SLC22A11: variants seen among roughly 807,000 people sequenced by gnomAD.
SLC22A11 encodes the protein organic anion transporter 4.
In SLC22A11, 42 loss-of-function variants were observed where a neutral mutation model predicts 49.4. The observed-to-expected ratio is 0.85, with a 90% CI of 0.66 to 1.10. SLC22A11 has a LOEUF of 1.10. SLC22A11 is among the 50% of genes least tolerant of loss of function. The pLI is 0.00. For missense variants in SLC22A11, 685 were observed against 731.6 expected (o/e 0.94, Z 0.74); for synonymous variants, 304 against 315.8 (o/e 0.96, Z 0.40).
Position 64,569,816 on chromosome 11 carries a change from A to G in SLC22A11, c.1547A>G (p.Gln516Arg). The G allele has an allele frequency of 6.2e-7, 1 of 1,613,914 alleles. No individual in the cohort carries two copies. Among genetic ancestry groups the G allele is most frequent in the South Asian group, 1.1e-5 (1 of 91,082 alleles). Reference sequence around the variant, plus strand: ...GTGCTGTTCTTCCTCCCGGAGACCCAGGGACTTCCGCTCCCTGACACTATC... The same window carrying G: ...GTGCTGTTCTTCCTCCCGGAGACCCGGGGACTTCCGCTCCCTGACACTATC... ...LVVLFFLPET[Q>R]GLPLPDTIQD... Residue 516 changes from glutamine (Q) to arginine (R), a missense_variant, in exon 9 of 10, where the codon CAG (glutamine) becomes CGG (arginine). Physicochemically the swap from Gln to Arg is conservative, Grantham distance 43. Coordinates refer to ENST00000301891, the MANE Select transcript of SLC22A11 (RefSeq NM_018484.4).
At position 64,556,253 on chromosome 11, in the gene SLC22A11, G is replaced by A; in HGVS notation, c.254G>A (p.Cys85Tyr). 1 of 1,613,838 alleles carries A rather than the reference G, an allele frequency of 6.2e-7. No individual in the cohort carries two copies. The highest frequency in any genetic ancestry group is 8.5e-7 in the Non-Finnish European group (1 of 1,180,028). ...PPGPNQGPHQ[C>Y]RRFRQPQWQL... ...GGCCCCAACCAGGGGCCCCACCAGTGCCGCCGCTTCCGCCAGCCACAGTGG... is the reference window on the plus strand; with the variant it reads ...GGCCCCAACCAGGGGCCCCACCAGTACCGCCGCTTCCGCCAGCCACAGTGG... The change falls in exon 1 of 10, where the codon TGC (cysteine) becomes TAC (tyrosine). Residue 85 changes from cysteine to tyrosine, a missense_variant. Physicochemically the swap from Cys to Tyr is radical, Grantham distance 194. Coordinates refer to ENST00000301891, the MANE Select transcript of SLC22A11 (RefSeq NM_018484.4).
In SLC22A11 at chr11:64,564,265, G is replaced by A. The variant is rs1458971725; in HGVS notation, c.822-43G>A. ...CCCCTTTCCACCCCGCCCCGGGGGAGAGCCCAGCGTGCACTCCCAGCTACA... is the reference window on the plus strand; with the variant it reads ...CCCCTTTCCACCCCGCCCCGGGGGAAAGCCCAGCGTGCACTCCCAGCTACA... On this transcript the variant is annotated intron_variant, in intron 4 of 9. Transcript: ENST00000301891. This position sits in a 1 kb window ranked among gnomAD's most constrained non-coding sequence, Gnocchi z 4.2. 6.2e-7 allele frequency: 1 copy of A among 1,610,846 alleles called. No individual in the cohort carries two copies. Among genetic ancestry groups the A allele is most frequent in the African/African-American group, 1.3e-5 (1 of 74,870 alleles).
Position 64,565,808 on chromosome 11 carries a change from T to G in SLC22A11, c.1058+471T>G. 1 of 334,392 alleles carries G rather than the reference T, an allele frequency of 3.0e-6. No homozygotes were observed. Among genetic ancestry groups the G allele is most frequent in the Non-Finnish European group, 6.0e-6 (1 of 167,286 alleles). The allele number at this position is 334,392 out of a possible 1,614,324, so 20.7% of individuals were successfully genotyped here. A position where few individuals can be genotyped will look rare whatever the true frequency, so the allele number is the denominator to read the frequency against. ...ATGGGGAAAGAGGATCCCAGAGGGG[T>G]AAGGAACAAGCCCAAAATAATAGAG... On this transcript the variant is annotated intron_variant, in intron 6 of 9. Coordinates refer to ENST00000301891, the MANE Select transcript of SLC22A11 (RefSeq NM_018484.4). This position sits in a 1 kb window ranked among gnomAD's most constrained non-coding sequence, Gnocchi z 4.1.
Position 64,559,215 on chromosome 11 carries a change from T to A in SLC22A11, c.474T>A (p.Phe158Leu), listed in dbSNP as rs2038507577. ...TGTCCGGGATCCTGGTGGGCTCCTT[T>A]ATCTGGGGCCTCCTCTCCTACCGGT... ...IFMSGILVGS[F>L]IWGLLSYRFG... Residue 158 changes from phenylalanine (F) to leucine (L), a missense_variant, in exon 2 of 10, where the codon TTT becomes TTA. By Grantham distance (22) the Phe-to-Leu change is conservative. Transcript: ENST00000301891. 3.1e-6 allele frequency: 5 copies of A among 1,609,410 alleles called. No homozygotes were observed. Among genetic ancestry groups the A allele is most frequent in the Non-Finnish European group, 4.2e-6 (5 of 1,177,054 alleles).
chr11:64,562,167 C>T lies in SLC22A11; in HGVS notation c.652+9C>T, dbSNP rs1025828777. 4 of 1,612,568 alleles carry T rather than the reference C, an allele frequency of 2.5e-6. No homozygotes were observed. The highest frequency in any genetic ancestry group is 3.4e-6 in the Non-Finnish European group (4 of 1,179,408). On this transcript the variant is annotated intron_variant, in intron 3 of 9. Transcript: ENST00000301891. The surrounding 1 kb of genome is among the most constrained non-coding windows in gnomAD (Gnocchi z 4.4). ...GAGTTCACTGACACTGAGTGAGTCC[C>T]CGGCTCAGCGCGCTCCTGCCATGGG...
At chr11:64,569,967 T>C in intron 9 of SLC22A11, 109 bp downstream of exon 9, 3 of 931,322 alleles carry the variant, frequency 3.2e-6, no homozygotes, top group Non-Finnish European at 4.9e-6. Flanking sequence ...AGGCCTGTGT[T>C]TCTGAAACCA....
intron 1 of SLC22A11, 144 bp from the exon 2 acceptor site, chr11:64,558,991 C>T: frequency 1.5e-6 from 1 of 688,164 alleles, no homozygotes; most frequent in Non-Finnish European, 2.6e-6. Context: ...GGAGTTGCAG[C>T]CCCATGGCCA....
chr11:64,562,114 C>T lies in SLC22A11; in HGVS notation c.608C>T (p.Ala203Val). 2 of 1,613,890 alleles carry T rather than the reference C, an allele frequency of 1.2e-6. No individual in the cohort carries two copies. The highest frequency in any genetic ancestry group is 2.2e-5 in the East Asian group (1 of 44,872). Residue 203 changes from alanine to valine, a missense_variant, in exon 3 of 10, where the codon GCC becomes GTC. Coordinates refer to ENST00000301891, the MANE Select transcript of SLC22A11 (RefSeq NM_018484.4). This position sits in a 1 kb window ranked among gnomAD's most constrained non-coding sequence, Gnocchi z 4.4. ...ATCTACTGCGGCCTGCGGTTCGTGG[C>T]CGCTTTTGGGATGGCCGGCATCTTT... is the stretch of plus-strand genomic sequence containing the variant. Reference protein sequence around the residue: ...FVIYCGLRFVAAFGMAGIFLS... With the variant: ...FVIYCGLRFVVAFGMAGIFLS...
chr11:64,566,702 G>A (rs1305211551), intron 6 of SLC22A11: 1 of 152,004 alleles, frequency 6.6e-6, no homozygotes, highest in Non-Finnish European at 1.5e-5. Context: ...GAAACACCGC[G>A]GCTTGTGCGA....
rs1378096665 is a variant in SLC22A11, at chr11:64,556,050, G to C, written c.51G>C (p.Gln17His). The C allele has an allele frequency of 6.2e-7, 1 of 1,613,668 alleles. No homozygotes were observed. Among genetic ancestry groups the C allele is most frequent in the East Asian group, 2.2e-5 (1 of 44,880 alleles). Residue 17 changes from glutamine (Q) to histidine (H), a missense_variant, in exon 1 of 10, where the codon CAG (glutamine) becomes CAC (histidine). By Grantham distance (24) the Gln-to-His change is conservative (BLOSUM62 0). Transcript: ENST00000301891. ...AAGCCGGAGGCGTGGGCCTCTTCCA[G>C]ACCCTGCAGGTGCTCACCTTCATCC... ...LEQAGGVGLF[Q>H]TLQVLTFILP...
At chr11:64,559,052 G>A (rs558270159) in intron 1 of SLC22A11, 83 bp from the exon 2 acceptor site, 2 of 1,196,738 alleles carry the variant, frequency 1.7e-6, no homozygotes, top group East Asian at 4.7e-5. Flanking sequence ...AGGGACCCCA[G>A]TGTGGGTCAG....
chr11:64,564,314 G>T lies in SLC22A11; in HGVS notation c.828G>T (p.Leu276=), dbSNP rs1400990223. 1.2e-6 allele frequency: 2 copies of T among 1,614,058 alleles called. No individual in the cohort carries two copies. The highest frequency in any genetic ancestry group is 4.5e-5 in the East Asian group (2 of 44,880). The change falls in exon 5 of 10, where the codon CTG becomes CTT. Residue 276 remains leucine (L), a synonymous_variant. Coordinates refer to ENST00000301891, the MANE Select transcript of SLC22A11 (RefSeq NM_018484.4). The surrounding 1 kb of genome is among the most constrained non-coding windows in gnomAD (Gnocchi z 4.2). The part of the protein sequence containing the change: ...FFAISLISWW[L]PESARWLIIK... ...CACACCTGCCTCCTTACAGGTGGCT[G>T]CCAGAATCCGCCCGGTGGCTGATTA...
chr11:64,569,980 T>A, intron 9 of SLC22A11, 122 bp downstream of exon 9: 1 of 821,762 alleles, frequency 1.2e-6, no homozygotes, highest in East Asian at 2.6e-5. Context: ...TGAAACCATT[T>A]AATCTTTCCA....
intron 1 of SLC22A11, among the ~76,000 whole-genome samples, chr11:64,557,200 G>A (rs1591371560): frequency 6.6e-6 from 1 of 152,318 alleles, no homozygotes; most frequent in East Asian, 1.9e-4. Flanking sequence ...TTGTGGGATG[G>A]GTCCTATGAC....
intron 2 of SLC22A11, among the ~76,000 whole-genome samples, chr11:64,560,419 T>A (rs2135420985): frequency 6.6e-6 from 1 of 152,156 alleles, no homozygotes; most frequent in East Asian, 1.9e-4. Context: ...CCTTCCTGCC[T>A]ACCCCCTGCC....
Position 64,571,089 on chromosome 11 carries a change from G to C in SLC22A11, c.*47G>C. 6.2e-7 allele frequency: 1 copy of C among 1,603,360 alleles called. No individual in the cohort carries two copies. The highest frequency in any genetic ancestry group is 8.5e-7 in the Non-Finnish European group (1 of 1,170,312). On this transcript the variant is annotated 3_prime_UTR_variant, in exon 10 of 10. Coordinates refer to ENST00000301891, the MANE Select transcript of SLC22A11 (RefSeq NM_018484.4). ...CCTTTAGTCAAAGACTCCTGGAAAG[G>C]AGTTGCCTCTTCTCCAATCAGAGCG... is the stretch of plus-strand genomic sequence containing the variant.
Position 64,561,634 on chromosome 11 carries a change from T to TATTC in SLC22A11, c.498-367_498-366insCATT, listed in dbSNP as rs796310437. ...TTATTTATTTATTTATTTATTTATT[T>TATTC]ATTTATTTATTTATTTAGTAGAGAC... On this transcript the variant is annotated intron_variant, in intron 2 of 9. Transcript: ENST00000301891. 2.9e-3 allele frequency among the ~76,000 whole-genome samples: 438 copies of TATTC among 150,504 alleles called. 59 individuals are homozygous for TATTC. The highest frequency in any genetic ancestry group is 4.8e-3 in the Non-Finnish European group (323 of 67,646).
chr11:64,556,250 A>C lies in SLC22A11; in HGVS notation c.251A>C (p.Gln84Pro). 1 of 1,613,862 alleles carries C rather than the reference A, an allele frequency of 6.2e-7. No individual in the cohort carries two copies. Among genetic ancestry groups the C allele is most frequent in the Non-Finnish European group, 8.5e-7 (1 of 1,180,004 alleles). Residue 84 changes from glutamine to proline, a missense_variant, in exon 1 of 10, where the codon CAG becomes CCG. Physicochemically the swap from Gln to Pro is moderately conservative, Grantham distance 76. Coordinates refer to ENST00000301891, the MANE Select transcript of SLC22A11 (RefSeq NM_018484.4). The stretch of plus-strand genomic sequence containing the variant: ...CCAGGCCCCAACCAGGGGCCCCACC[A>C]GTGCCGCCGCTTCCGCCAGCCACAG... ...IPPGPNQGPHQCRRFRQPQWQ... is the reference protein window; with the variant it reads ...IPPGPNQGPHPCRRFRQPQWQ...
intron 1 of SLC22A11, 100 bp downstream of exon 1, chr11:64,556,492 G>A (rs1439265386): frequency 1.4e-5 from 21 of 1,497,834 alleles, no homozygotes; most frequent in Admixed American, 4.0e-5. Flanking sequence ...GGAGGGACCC[G>A]CCTCCTCTCG....
Sources: gnomAD v4.1 joint callset for allele counts (sites outside exome capture counted in the v4.1 genomes callset) on GRCh38, gnomAD v4.1.1 for gene constraint, Gnocchi (gnomAD v3.1) non-coding constraint, MANE v1.5 for transcripts, NCBI Gene and HGNC (gene_info 2026-07-23, HGNC 2026-07-21) for gene names.